Variants in NCKAP5 observed in about 807,000 individuals in gnomAD.
NCKAP5 encodes the protein nck-associated protein 5.
In NCKAP5, 92 loss-of-function variants were observed where a neutral mutation model predicts 167.0. The ratio of observed to expected loss-of-function variants is 0.55; its 90% CI spans 0.47 to 0.66. The LOEUF is 0.66. NCKAP5 is among the 30% of genes least tolerant of loss of function. The pLI, the probability that NCKAP5 is intolerant of heterozygous loss-of-function variation, is 0.00. For synonymous variants in NCKAP5, 891 were observed against 877.4 expected (o/e 1.02, Z -0.27); for missense variants, 2,378 against 2,315.0 (o/e 1.03, Z -0.56).
At chr2:133,279,400 C>T (rs2150454784) in intron 4 of NCKAP5, among the ~76,000 whole-genome samples, 1 of 152,280 alleles carries the variant, frequency 6.6e-6, no homozygotes, top group Middle Eastern at 3.4e-3. Flanking sequence ...TAAATGTTTG[C>T]TGATTTGAAC....
intron 3 of NCKAP5, among the ~76,000 whole-genome samples, chr2:133,380,890 G>C (rs1686472682): frequency 6.6e-6 from 1 of 152,182 alleles, no homozygotes; most frequent in Non-Finnish European, 1.5e-5. Context: ...TCATCAGATT[G>C]TCCATTTAAA....
chr2:133,557,154 T>C (rs927087280), intron 2 of NCKAP5, among the ~76,000 whole-genome samples: 11 of 152,210 alleles, frequency 7.2e-5, no homozygotes, highest in African/African-American at 1.9e-4. Context: ...GGCCGATAGC[T>C]TGTCTTTCCA....
intron 2 of NCKAP5, among the ~76,000 whole-genome samples, chr2:133,544,569 G>A (rs996612948): frequency 4.6e-5 from 7 of 152,316 alleles, no homozygotes; most frequent in East Asian, 1.9e-4. Flanking sequence ...TCCATCGTGT[G>A]AATGGAGTAT....
At position 132,787,651 on chromosome 2, in the gene NCKAP5, G is replaced by A. The variant is rs550587762; in HGVS notation, c.1093-1933C>T. ...AATTTTCTTTAGGAAATTCTCCACC[G>A]TCAGAAGTTGCTGGCAGTAGATGCT... On this transcript the variant is annotated intron_variant, in intron 13 of 19. Transcript: ENST00000409261. 4.4e-4 allele frequency among the ~76,000 whole-genome samples: 67 copies of A among 152,022 alleles called. 1 individual carries two copies. The highest frequency in any genetic ancestry group is 3.2e-3 in the Admixed American group (49 of 15,262).
At chr2:133,234,464 A>C (rs2087300930) in intron 4 of NCKAP5, among the ~76,000 whole-genome samples, 1 of 152,194 alleles carries the variant, frequency 6.6e-6, no homozygotes, top group Non-Finnish European at 1.5e-5. Flanking sequence ...TCTGCCTTGA[A>C]ATACGGCAGA....
intron 19 of NCKAP5, among the ~76,000 whole-genome samples, chr2:132,707,939 A>G (rs959464109): frequency 6.6e-5 from 10 of 151,976 alleles, no homozygotes; most frequent in Admixed American, 5.9e-4. Flanking sequence ...ATTTCAAGAT[A>G]TACCCGGGAT....
At chr2:133,629,041 A>T in the NCKAP5 span, among the ~76,000 whole-genome samples, 2 of 152,236 alleles carry the variant, frequency 1.3e-5, no homozygotes, top group African/African-American at 4.8e-5. Flanking sequence ...ACCCTAGAAG[A>T]AAATCTAGGC....
intron 6 of NCKAP5, among the ~76,000 whole-genome samples, chr2:132,998,506 G>A (rs2077675482): frequency 1.3e-5 from 2 of 152,110 alleles, no homozygotes; most frequent in Non-Finnish European, 2.9e-5. Flanking sequence ...AAAAAATCAA[G>A]TTGTCCTATC....
intron 4 of NCKAP5, among the ~76,000 whole-genome samples, chr2:133,230,030 T>C (rs2087071003): frequency 6.6e-6 from 1 of 152,108 alleles, no homozygotes; most frequent in Non-Finnish European, 1.5e-5. Context: ...ACCCCACTGA[T>C]ACTAGACTTG....
chr2:133,645,704 T>A, the NCKAP5 span, among the ~76,000 whole-genome samples: 1 of 152,158 alleles, frequency 6.6e-6, no homozygotes, highest in Non-Finnish European at 1.5e-5. Context: ...CATGAAGACC[T>A]GACACGTGGC....
intron 16 of NCKAP5, among the ~76,000 whole-genome samples, chr2:132,763,658 T>C (rs10496692): frequency 0.14 from 21,524 of 152,210 alleles, 1,791 homozygotes; most frequent in African/African-American, 0.22. Context: ...CTTCACTGTA[T>C]TACTTACTTG....
At chr2:133,153,172 A>G (rs1184725012) in intron 5 of NCKAP5, among the ~76,000 whole-genome samples, 1 of 152,226 alleles carries the variant, frequency 6.6e-6, no homozygotes, top group Non-Finnish European at 1.5e-5. Flanking sequence ...TTTTTAGGGC[A>G]GAAACTATTC....
intron 16 of NCKAP5, among the ~76,000 whole-genome samples, chr2:132,771,839 A>ATTTT (rs70973406): frequency 2.0e-5 from 2 of 100,762 alleles, no homozygotes; most frequent in African/African-American, 3.9e-5. Context: ...CGCCCGGCTA[A>ATTTT]TTTTTTTTTT....
chr2:133,248,793 C>T (rs978398856), intron 4 of NCKAP5, among the ~76,000 whole-genome samples: 1 of 152,166 alleles, frequency 6.6e-6, no homozygotes, highest in Non-Finnish European at 1.5e-5. Context: ...TTGACTGCTC[C>T]GGTTCGTTCC....
At chr2:133,424,699 G>A (rs1268303754) in intron 3 of NCKAP5, among the ~76,000 whole-genome samples, 1 of 152,190 alleles carries the variant, frequency 6.6e-6, no homozygotes, top group Non-Finnish European at 1.5e-5. Flanking sequence ...GGCTAGCAAT[G>A]TAGCCTCATT....
chr2:133,315,847 G>T (rs895796276), intron 3 of NCKAP5, among the ~76,000 whole-genome samples: 1 of 152,168 alleles, frequency 6.6e-6, no homozygotes, highest in Non-Finnish European at 1.5e-5. Flanking sequence ...AGAGGTTGGG[G>T]AAAGGTGAAG....
At chr2:133,452,377 A>C (rs940852477) in intron 3 of NCKAP5, among the ~76,000 whole-genome samples, 3 of 152,214 alleles carry the variant, frequency 2.0e-5, no homozygotes, top group African/African-American at 7.2e-5. Context: ...GATCAGGGGA[A>C]GCCCTGATTA....
intron 8 of NCKAP5, among the ~76,000 whole-genome samples, chr2:132,908,366 A>C (rs1694172930): frequency 6.6e-6 from 1 of 152,100 alleles, no homozygotes; most frequent in African/African-American, 2.4e-5. Flanking sequence ...CACTCTGGTC[A>C]GTCAATTTCT....
chr2:132,802,462 G>A (rs2105210262), intron 11 of NCKAP5, among the ~76,000 whole-genome samples: 1 of 152,168 alleles, frequency 6.6e-6, no homozygotes, highest in East Asian at 1.9e-4. Flanking sequence ...CTCTGTCTTA[G>A]GCGGGCCCTG....
Sources: allele counts gnomAD v4.1 joint callset (sites outside exome capture counted in the v4.1 genomes callset), GRCh38; gene constraint gnomAD v4.1.1; transcripts MANE v1.5; gene names NCBI Gene and HGNC (gene_info 2026-07-23, HGNC 2026-07-21).